The following GAS2 variants were observed in gnomAD, a reference collection of about 807,000 sequenced individuals.
GAS2 encodes growth arrest specific 2, also known as growth arrest-specific protein 2.
A neutral mutation model predicts 37.5 loss-of-function variants in GAS2; 20 were observed. That is an observed-to-expected ratio of 0.53 (90% CI 0.37 to 0.77). The LOEUF is 0.77. Among genes scored for constraint, GAS2 ranks in the 30% least tolerant of loss-of-function variants. GAS2 has a pLI of 0.00. For missense variants in GAS2, 336 were observed against 373.4 expected, an observed-to-expected ratio of 0.90 and a Z score of 0.82; for synonymous variants, 144 against 132.2, an observed-to-expected ratio of 1.09 and a Z score of -0.61.
At chr11:22,653,010 T>TCTTTCTTTCTTTCTTTCTTTCTTA (rs1848808985) in intron 1 of GAS2, among the ~76,000 whole-genome samples, 1 of 144,154 alleles carries the variant, frequency 6.9e-6, no homozygotes, top group Non-Finnish European at 1.5e-5. Flanking sequence ...TTTCTTTCTT[T>TCTTTCTTTCTTTCTTTCTTTCTTA]CTTTCTTTCT....
At position 22,764,185 on chromosome 11, in the gene GAS2, A is replaced by T. The variant is rs573102952; in HGVS notation, c.723+8232A>T. Among the ~76,000 whole-genome samples the T allele has an allele frequency of 3.3e-3, 499 of 151,316 alleles. 1 individual carries two copies. The highest frequency in any genetic ancestry group is 9.6e-3 in the African/African-American group (391 of 40,666). On this transcript the variant is annotated intron_variant, in intron 7 of 7. Transcript: ENST00000454584. ...AGTTATCCTTTTTTTAAGATTTTTT[A>T]AAAAAATTTTAAAAATTCAAAACAA...
chr11:22,754,026 A>G (rs1853885891), intron 6 of GAS2, among the ~76,000 whole-genome samples: 1 of 152,104 alleles, frequency 6.6e-6, no homozygotes, highest in African/African-American at 2.4e-5. Flanking sequence ...CTTAGAACAG[A>G]AATCTATTAG....
At chr11:22,646,780 C>T (rs945772269) in intron 1 of GAS2, among the ~76,000 whole-genome samples, 1 of 152,116 alleles carries the variant, frequency 6.6e-6, no homozygotes, top group African/African-American at 2.4e-5. Context: ...GTGGTATTGA[C>T]ACACAGCTTG....
At chr11:22,736,754 C>T (rs1852776832) in intron 4 of GAS2, among the ~76,000 whole-genome samples, 1 of 152,008 alleles carries the variant, frequency 6.6e-6, no homozygotes, top group Non-Finnish European at 1.5e-5. Flanking sequence ...AATAAACAAT[C>T]AATAAGCTAA....
intron 1 of GAS2, among the ~76,000 whole-genome samples, chr11:22,658,582 T>C (rs1462313175): frequency 2.0e-5 from 3 of 152,212 alleles, no homozygotes; most frequent in Non-Finnish European, 4.4e-5. Flanking sequence ...GGGGTTTCCT[T>C]GTCTGTTTCT....
intron 1 of GAS2, among the ~76,000 whole-genome samples, chr11:22,651,748 G>A (rs553256858): frequency 5.9e-5 from 9 of 152,150 alleles, no homozygotes; most frequent in East Asian, 1.9e-4. Flanking sequence ...TGTAGTTCTC[G>A]AGCCTTGGTT....
At chr11:22,651,105 G>T (rs1311693694) in intron 1 of GAS2, among the ~76,000 whole-genome samples, 1 of 152,004 alleles carries the variant, frequency 6.6e-6, no homozygotes, top group East Asian at 1.9e-4. Flanking sequence ...CTCTTTTAGG[G>T]CAGGCCTGCT....
At chr11:22,757,728 G>A (rs1590096647) in intron 7 of GAS2, among the ~76,000 whole-genome samples, 1 of 151,988 alleles carries the variant, frequency 6.6e-6, no homozygotes, top group East Asian at 1.9e-4. Flanking sequence ...TTAATTTTTA[G>A]CAAAGATAAA....
chr11:22,779,721 A>G (rs1273507671), intron 7 of GAS2, among the ~76,000 whole-genome samples: 1 of 152,038 alleles, frequency 6.6e-6, no homozygotes, highest in African/African-American at 2.4e-5. Context: ...AACAAAAAAA[A>G]AAACCAAACA....
At chr11:22,766,150 G>T (rs558976681) in intron 7 of GAS2, among the ~76,000 whole-genome samples, 2 of 152,150 alleles carry the variant, frequency 1.3e-5, no homozygotes, top group South Asian at 4.2e-4. Flanking sequence ...TGAGACATGG[G>T]TAGGAGACAA....
At chr11:22,787,273 C>T (rs1472896233) in intron 7 of GAS2, among the ~76,000 whole-genome samples, 5 of 152,062 alleles carry the variant, frequency 3.3e-5, no homozygotes, top group African/African-American at 4.8e-5. Context: ...TCTCTCTGAT[C>T]CTTGGCAATT....
intron 3 of GAS2, among the ~76,000 whole-genome samples, chr11:22,708,450 A>G (rs1164267959): frequency 6.6e-6 from 1 of 152,102 alleles, no homozygotes; most frequent in Non-Finnish European, 1.5e-5. Flanking sequence ...AATCTTATAT[A>G]ACCCTCATAG....
chr11:22,704,119 ACT>A (rs990390384), intron 3 of GAS2, among the ~76,000 whole-genome samples: 10 of 151,966 alleles, frequency 6.6e-5, no homozygotes, highest in African/African-American at 2.2e-4. Context: ...GTCTTTTGAG[ACT>A]CTGTTTTGTA....
At chr11:22,715,460 CAAAAAAA>C (rs1192862614) in intron 3 of GAS2, among the ~76,000 whole-genome samples, 7 of 41,768 alleles carry the variant, frequency 1.7e-4, no homozygotes, top group Admixed American at 4.3e-4. Context: ...GACTCTGTCT[CAAAAAAA>C]AAAAAAAAAA....
intron 4 of GAS2, among the ~76,000 whole-genome samples, chr11:22,727,455 T>C (rs2134171773): frequency 6.6e-6 from 1 of 152,156 alleles, no homozygotes; most frequent in South Asian, 2.1e-4. Context: ...AGGAAATTTA[T>C]GGAAACAGCT....
chr11:22,733,346 A>G (rs1852579048), intron 4 of GAS2, among the ~76,000 whole-genome samples: 1 of 151,792 alleles, frequency 6.6e-6, no homozygotes, highest in Non-Finnish European at 1.5e-5. Context: ...ATAAGTGAAC[A>G]ACATTTATCC....
At chr11:22,715,945 T>A (rs1251313519) in intron 3 of GAS2, among the ~76,000 whole-genome samples, 1 of 152,108 alleles carries the variant, frequency 6.6e-6, no homozygotes, top group Non-Finnish European at 1.5e-5. Flanking sequence ...AAAAAATCCT[T>A]AACAAAGTAC....
chr11:22,626,181 T>G, intron 1 of GAS2: 1 of 314,088 alleles, frequency 3.2e-6, no homozygotes, highest in Non-Finnish European at 6.2e-6. Flanking sequence ...GTGTTGAGGT[T>G]TTTCAAAATT....
intron 3 of GAS2, among the ~76,000 whole-genome samples, chr11:22,693,732 CA>C (rs1234332731): frequency 1.3e-5 from 2 of 152,156 alleles, no homozygotes; most frequent in African/African-American, 2.4e-5. Context: ...TGATTCCTCA[CA>C]AAGCATTTCC....
Sources: allele counts gnomAD v4.1 joint callset (sites outside exome capture counted in the v4.1 genomes callset), GRCh38; gene constraint gnomAD v4.1.1; transcripts MANE v1.5; gene names NCBI Gene and HGNC (gene_info 2026-07-23, HGNC 2026-07-21).